Variants in SIRPG observed in about 807,000 individuals in gnomAD.
SIRPG encodes the protein signal regulatory protein gamma, also known as signal-regulatory protein gamma.
In SIRPG, 38 loss-of-function variants were observed where a neutral mutation model predicts 35.7. That is an observed-to-expected ratio of 1.06 (90% CI 0.82 to 1.40). The LOEUF (loss-of-function observed/expected upper bound fraction) is 1.40, where lower values mean the gene tolerates loss of function less well. Among genes scored for constraint, SIRPG ranks in the 40% most tolerant of loss-of-function variants. The pLI is 0.00. For missense variants in SIRPG, 519 were observed against 483.0 expected, an observed-to-expected ratio of 1.07 and a Z score of -0.70; for synonymous variants, 215 against 190.4, an observed-to-expected ratio of 1.13 and a Z score of -1.06.
the SIRPG span, among the ~76,000 whole-genome samples, chr20:1,680,516 GTT>G: frequency 2.6e-5 from 4 of 152,180 alleles, no homozygotes; most frequent in African/African-American, 4.8e-5. Flanking sequence ...TCTGTTGACA[GTT>G]GGCATTATTA....
At chr20:1,650,000 G>GTATATATATATATATATATATATATATA (rs1491226682) in intron 1 of SIRPG, among the ~76,000 whole-genome samples, 2 of 85,374 alleles carry the variant, frequency 2.3e-5, no homozygotes, top group African/African-American at 9.6e-5. Flanking sequence ...CTACTTTGAA[G>GTATATATATATATATATATATATATATA]TGTGTATATA....
rs2091739934 is a variant in SIRPG at position 1,630,309 on chromosome 20, G to A, written c.1082-3C>T. 6 of 1,555,392 alleles carry A rather than the reference G, an allele frequency of 3.9e-6. No homozygotes were observed. Among genetic ancestry groups the A allele is most frequent in the Non-Finnish European group, 5.2e-6 (6 of 1,148,872 alleles). Reference sequence around the variant, plus strand: ...CGCAGTAAGGGATGATGCCGGGCCTGGAAATCAGGGAAGACGAGGGGCTAT... The same window carrying A: ...CGCAGTAAGGGATGATGCCGGGCCTAGAAATCAGGGAAGACGAGGGGCTAT... On this transcript the variant is annotated splice_polypyrimidine_tract_variant and splice_region_variant and intron_variant, in intron 4 of 5. Coordinates refer to ENST00000303415, the MANE Select transcript of SIRPG (RefSeq NM_018556.4).
At chr20:1,683,623 C>G in the SIRPG span, among the ~76,000 whole-genome samples, 1 of 151,996 alleles carries the variant, frequency 6.6e-6, no homozygotes, top group African/African-American at 2.4e-5. Context: ...GTGAAATAAG[C>G]CAGGCACAGA....
chr20:1,648,617 G>A (rs1237193887), intron 2 of SIRPG: 2 of 151,412 alleles, frequency 1.3e-5, no homozygotes, highest in Non-Finnish European at 2.9e-5. Flanking sequence ...GTGAGTGCCT[G>A]TTGCAAACTT....
upstream of SIRPG, among the ~76,000 whole-genome samples, chr20:1,660,749 A>G (rs2091993843): frequency 6.6e-6 from 1 of 152,160 alleles, no homozygotes; most frequent in South Asian, 2.1e-4. Context: ...TATCTGCCAT[A>G]TTTCACCCTG....
chr20:1,664,582 A>G, the SIRPG span, among the ~76,000 whole-genome samples: 2 of 152,160 alleles, frequency 1.3e-5, no homozygotes, highest in Non-Finnish European at 2.9e-5. Flanking sequence ...GCTCAGGACC[A>G]TGTGTGAAGA....
chr20:1,677,359 G>A, the SIRPG span, among the ~76,000 whole-genome samples: 1 of 152,118 alleles, frequency 6.6e-6, no homozygotes, highest in Non-Finnish European at 1.5e-5. Flanking sequence ...TTAGACCATT[G>A]AGTCATGAGT....
At chr20:1,634,716 G>A (rs2091778575) in intron 4 of SIRPG, among the ~76,000 whole-genome samples, 1 of 152,036 alleles carries the variant, frequency 6.6e-6, no homozygotes, top group African/African-American at 2.4e-5. Flanking sequence ...ATGAGAAGAT[G>A]GTTCCCCCTG....
chr20:1,649,240 T>C lies in SIRPG; in HGVS notation c.242A>G (p.Lys81Arg), dbSNP rs763481309. 1.2e-6 allele frequency: 2 copies of C among 1,614,126 alleles called. No homozygotes were observed. Among genetic ancestry groups the C allele is most frequent in the Admixed American group, 1.7e-5 (1 of 60,020 alleles). Residue 81 changes from lysine (K) to arginine (R), a missense_variant, in exon 2 of 6, where the codon AAA becomes AGA. Lys to Arg is a conservative substitution (Grantham distance 26). Transcript: ENST00000303415. ...TGTTACCCTGGGGAAGTGGCCTTCT[T>C]TTTGATTGTAGATTAATTCCCGGCC... ...GPGRELIYNQ[K>R]EGHFPRVTTV...
chr20:1,663,014 C>CA, the SIRPG span, among the ~76,000 whole-genome samples: 3,057 of 139,346 alleles, frequency 0.022, 44 homozygotes, highest in South Asian at 0.037. Context: ...TTTGACTTTT[C>CA]AAAAAAAAAA....
At chr20:1,632,305 C>G (rs769929613) in intron 4 of SIRPG, among the ~76,000 whole-genome samples, 1 of 152,144 alleles carries the variant, frequency 6.6e-6, no homozygotes, top group Non-Finnish European at 1.5e-5. Context: ...AGAGAGAAAG[C>G]CAAACTGCAA....
intron 2 of SIRPG, among the ~76,000 whole-genome samples, chr20:1,638,249 A>G (rs760313908): frequency 1.3e-5 from 2 of 152,174 alleles, no homozygotes; most frequent in Non-Finnish European, 2.9e-5. Flanking sequence ...CCCAGCTAGC[A>G]AAGGGCCAAA....
intron 2 of SIRPG, 125 bp downstream of exon 2, chr20:1,648,927 G>A (rs529486887): frequency 1.1e-6 from 1 of 871,646 alleles, no homozygotes. Flanking sequence ...TGTAGAAGGG[G>A]GTGACAACAG....
upstream of SIRPG, among the ~76,000 whole-genome samples, chr20:1,660,668 G>GGAA (rs1273922030): frequency 6.6e-6 from 1 of 152,116 alleles, no homozygotes; most frequent in Non-Finnish European, 1.5e-5. Context: ...GGTGACTTGG[G>GGAA]GAAGCATAGA....
the SIRPG span, among the ~76,000 whole-genome samples, chr20:1,678,699 AAT>A: frequency 1.3e-5 from 2 of 152,212 alleles, no homozygotes; most frequent in Admixed American, 6.5e-5. Flanking sequence ...AACTTGATAA[AAT>A]ACATGAATCT....
rs567241655 is a variant in SIRPG, at chr20:1,635,128, T to C, written c.1081+139A>G. On this transcript the variant is annotated intron_variant, in intron 4 of 5. Coordinates refer to ENST00000303415, the MANE Select transcript of SIRPG (RefSeq NM_018556.4). ...TTCTTACTAGTCATGACTCTTCGCA[T>C]GTGGGATTTGGGGGGATGGAGCTGA... 4.7e-5 allele frequency: 30 copies of C among 634,680 alleles called. No homozygotes were observed. The African/African-American group carries it at 5.1e-4, about 11-fold the overall frequency. 39.3% of individuals were successfully genotyped at this position (634,680 alleles called of 1,614,324 possible).
chr20:1,652,476 G>A (rs990640715), intron 1 of SIRPG, among the ~76,000 whole-genome samples: 1 of 152,162 alleles, frequency 6.6e-6, no homozygotes, highest in African/African-American at 2.4e-5. Flanking sequence ...GAATTGAACA[G>A]CATGTAAGAA....
chr20:1,683,620 A>T, the SIRPG span, among the ~76,000 whole-genome samples: 1 of 152,188 alleles, frequency 6.6e-6, no homozygotes, highest in African/African-American at 2.4e-5. Context: ...TAAGTGAAAT[A>T]AGCCAGGCAC....
At chr20:1,638,287 G>A (rs374089106) in intron 2 of SIRPG, 1 of 152,262 alleles carries the variant, frequency 6.6e-6, no homozygotes, top group Non-Finnish European at 1.5e-5. Context: ...CCCTGGTAAG[G>A]TGAGGGAGGA....
Sources: allele counts gnomAD v4.1 joint callset (sites outside exome capture counted in the v4.1 genomes callset), GRCh38; gene constraint gnomAD v4.1.1; transcripts MANE v1.5; gene names NCBI Gene and HGNC (gene_info 2026-07-23, HGNC 2026-07-21).